The following DGKI variants were observed in gnomAD, a reference collection of about 807,000 sequenced individuals.
The protein encoded by DGKI is DAG kinase iota.
DGKI carries 55 observed loss-of-function variants against 147.5 expected under a neutral mutation model. That is an observed-to-expected ratio of 0.37 (90% CI 0.30 to 0.47). The LOEUF (loss-of-function observed/expected upper bound fraction) is 0.47. Among genes scored for constraint, DGKI ranks in the 20% least tolerant of loss-of-function variants. DGKI has a pLI of 1.00. For synonymous variants in DGKI, 469 were observed against 477.1 expected, an observed-to-expected ratio of 0.98 and a Z score of 0.22; for missense variants, 1,007 against 1,323.8, an observed-to-expected ratio of 0.76 and a Z score of 3.71.
At chr7:137,569,397 T>A (rs1818704985) in intron 19 of DGKI, among the ~76,000 whole-genome samples, 1 of 151,822 alleles carries the variant, frequency 6.6e-6, no homozygotes, top group African/African-American at 2.4e-5. Context: ...TTAGAGAGTT[T>A]TTTCCATCAT....
At chr7:137,637,271 C>T (rs552437566) in intron 6 of DGKI, among the ~76,000 whole-genome samples, 2 of 152,302 alleles carry the variant, frequency 1.3e-5, no homozygotes, top group East Asian at 3.9e-4. Context: ...ATCTCAACTC[C>T]GAGTCCGTTT....
chr7:137,711,846 AAC>A (rs1198530460), intron 1 of DGKI, among the ~76,000 whole-genome samples: 9 of 151,274 alleles, frequency 5.9e-5, no homozygotes, highest in Admixed American at 5.9e-4. Context: ...GGCGCCCACC[AAC>A]ACACCCAGCT....
chr7:137,491,984 T>G (rs1466908796), intron 21 of DGKI, among the ~76,000 whole-genome samples: 1 of 152,206 alleles, frequency 6.6e-6, no homozygotes, highest in Admixed American at 6.5e-5. Context: ...TCCTTAGCAC[T>G]TTAGACAAAT....
In DGKI at chr7:137,635,927, G is replaced by A. The variant is rs561472692; in HGVS notation, c.804+9545C>T. On this transcript the variant is annotated intron_variant, in intron 6 of 32. Transcript: ENST00000614521. ...AAATCCCATGACGGTGAATTTCTTC[G>A]TCATGGGACTTAACAGGAAGCTCTT... 6.2e-4 allele frequency among the ~76,000 whole-genome samples: 95 copies of A among 152,254 alleles called. 1 individual carries two copies. Among genetic ancestry groups the A allele is most frequent in the African/African-American group, 1.9e-3 (79 of 41,556 alleles).
intron 1 of DGKI, among the ~76,000 whole-genome samples, chr7:137,778,710 A>G (rs531007371): frequency 3.2e-4 from 49 of 152,322 alleles, no homozygotes; most frequent in African/African-American, 1.2e-3. Context: ...CAAGTTTGCA[A>G]ATATTTGACT....
intron 23 of DGKI, among the ~76,000 whole-genome samples, chr7:137,485,023 G>A (rs1339330797): frequency 2.0e-5 from 3 of 151,970 alleles, no homozygotes; most frequent in South Asian, 2.1e-4. Flanking sequence ...ATGACCAAAT[G>A]GGATGAGAAA....
Position 137,694,740 on chromosome 7 carries a change from C to T in DGKI, c.402-4738G>A, listed in dbSNP as rs534490115. ...TCTTTTTTCTTATACCATATGGGCA[C>T]TAACTTTGCTTGTCTTCAAAGCAGC... On this transcript the variant is annotated intron_variant, in intron 1 of 32. Transcript: ENST00000614521. Among the ~76,000 whole-genome samples, 47 of 152,254 alleles carry T rather than the reference C, an allele frequency of 3.1e-4. 1 individual carries two copies. The highest frequency in any genetic ancestry group is 1.1e-3 in the African/African-American group (47 of 41,548).
intron 19 of DGKI, among the ~76,000 whole-genome samples, chr7:137,563,912 T>C (rs2128972491): frequency 6.6e-6 from 1 of 152,206 alleles, no homozygotes; most frequent in South Asian, 2.1e-4. Flanking sequence ...AATCCTAATT[T>C]TTTGCAGATA....
chr7:137,577,208 T>C lies in DGKI; in HGVS notation c.1761+14A>G, dbSNP rs774501410. 2 of 1,558,606 alleles carry C rather than the reference T, an allele frequency of 1.3e-6. No homozygotes were observed. Among genetic ancestry groups the C allele is most frequent in the Admixed American group, 1.7e-5 (1 of 57,154 alleles). ...CATATTCAAATTAAATAAATCAACA[T>C]ATTCAATACTTACAACAACTTTAAC... On this transcript the variant is annotated intron_variant, in intron 17 of 32. Transcript: ENST00000614521.
At chr7:137,660,069 A>G (rs948041469) in intron 3 of DGKI, among the ~76,000 whole-genome samples, 1 of 152,244 alleles carries the variant, frequency 6.6e-6, no homozygotes, top group East Asian at 1.9e-4. Flanking sequence ...ATTATTTAAA[A>G]AACAATAATT....
intron 3 of DGKI, among the ~76,000 whole-genome samples, chr7:137,663,663 T>C (rs1822525617): frequency 6.6e-6 from 1 of 151,946 alleles, no homozygotes; most frequent in Non-Finnish European, 1.5e-5. Flanking sequence ...GGGAAGTAGG[T>C]ACACTGGCTG....
intron 30 of DGKI, among the ~76,000 whole-genome samples, chr7:137,400,525 A>G (rs1811713099): frequency 6.6e-6 from 1 of 152,178 alleles, no homozygotes; most frequent in Non-Finnish European, 1.5e-5. Flanking sequence ...CAATAATTTG[A>G]CAATATGAAG....
At chr7:137,823,063 A>C (rs937634371) in intron 1 of DGKI, among the ~76,000 whole-genome samples, 27 of 139,258 alleles carry the variant, frequency 1.9e-4, no homozygotes, top group African/African-American at 5.9e-4. Flanking sequence ...CCCCAACCCA[A>C]AAAAAAAAAA....
At chr7:137,438,173 T>C (rs931769337) in intron 28 of DGKI, among the ~76,000 whole-genome samples, 12 of 151,878 alleles carry the variant, frequency 7.9e-5, no homozygotes, top group Non-Finnish European at 1.6e-4. Flanking sequence ...GCAACACACA[T>C]AGGAAACAAA....
At chr7:137,640,673 T>G (rs1188819268) in intron 6 of DGKI, among the ~76,000 whole-genome samples, 1 of 152,172 alleles carries the variant, frequency 6.6e-6, no homozygotes, top group Non-Finnish European at 1.5e-5. Context: ...GTATTTTCCA[T>G]TATTTTTATA....
intron 20 of DGKI, among the ~76,000 whole-genome samples, chr7:137,524,065 T>C (rs1441750066): frequency 6.8e-6 from 1 of 148,020 alleles, no homozygotes; most frequent in Admixed American, 6.6e-5. Flanking sequence ...TCTGATGATC[T>C]CTGTGTGCTG....
At chr7:137,823,557 T>C (rs1246197039) in intron 1 of DGKI, among the ~76,000 whole-genome samples, 1 of 152,206 alleles carries the variant, frequency 6.6e-6, no homozygotes, top group Non-Finnish European at 1.5e-5. Flanking sequence ...TTGAGGAGGC[T>C]GGTGTTGTTC....
At chr7:137,530,835 T>C (rs1425338839) in intron 20 of DGKI, among the ~76,000 whole-genome samples, 1 of 152,172 alleles carries the variant, frequency 6.6e-6, no homozygotes, top group Non-Finnish European at 1.5e-5. Context: ...TGATTATGCA[T>C]TACATTATTG....
intron 21 of DGKI, among the ~76,000 whole-genome samples, chr7:137,488,169 T>C (rs1473605163): frequency 6.6e-6 from 1 of 152,206 alleles, no homozygotes; most frequent in Non-Finnish European, 1.5e-5. Context: ...TTCATCTTTT[T>C]GTCTGTCTAC....
Sources: allele counts gnomAD v4.1 joint callset (sites outside exome capture counted in the v4.1 genomes callset), GRCh38; gene constraint gnomAD v4.1.1; transcripts MANE v1.5; gene names NCBI Gene and HGNC (gene_info 2026-07-23, HGNC 2026-07-21).